Variants in ADRA1A observed in about 807,000 individuals in gnomAD.
ADRA1A encodes adrenoceptor alpha 1A.
ADRA1A carries 31 observed loss-of-function variants against 29.6 expected under a neutral mutation model. The observed-to-expected ratio is 1.05, with a 90% CI of 0.79 to 1.41. ADRA1A has a LOEUF of 1.41. Ranked by LOEUF, ADRA1A falls within the 40% of genes most tolerant of loss-of-function variation. The pLI is 0.00. For missense variants in ADRA1A, 619 were observed against 601.1 expected, an observed-to-expected ratio of 1.03 and a Z score of -0.31; for synonymous variants, 311 against 254.3, an observed-to-expected ratio of 1.22 and a Z score of -2.12.
At chr8:26,837,422 G>C (rs1470834000) in intron 2 of ADRA1A, among the ~76,000 whole-genome samples, 1 of 152,080 alleles carries the variant, frequency 6.6e-6, no homozygotes, top group African/African-American at 2.4e-5. Flanking sequence ...AGGCTGAGGA[G>C]GGCAGATCAC....
At chr8:26,850,380 A>T (rs1812540887) in intron 2 of ADRA1A, among the ~76,000 whole-genome samples, 1 of 152,254 alleles carries the variant, frequency 6.6e-6, no homozygotes, top group Non-Finnish European at 1.5e-5. Context: ...AATGCAAAAC[A>T]AACAAACAAA....
At chr8:26,803,919 CTTTTTTTTTT>C (rs34314160) in intron 2 of ADRA1A, among the ~76,000 whole-genome samples, 1 of 95,228 alleles carries the variant, frequency 1.1e-5, no homozygotes, top group Middle Eastern at 8.5e-3. Flanking sequence ...TGGAAGTTTC[CTTTTTTTTTT>C]TTTTTTTTTT....
rs988059830 is a variant in ADRA1A at position 26,787,662 on chromosome 8, G to C, written c.884-16996C>G. Among the ~76,000 whole-genome samples, 7 of 151,988 alleles carry C rather than the reference G, an allele frequency of 4.6e-5. No individual in the cohort carries two copies. Among genetic ancestry groups the C allele is most frequent in the Non-Finnish European group, 1.0e-4 (7 of 68,006 alleles). On this transcript the variant is annotated intron_variant, in intron 2 of 2. Coordinates refer to ENST00000380573, the MANE Select transcript of ADRA1A (RefSeq NM_000680.4). The surrounding 1 kb of genome is among the most constrained non-coding windows in gnomAD (Gnocchi z 4.2). ...CATAAAAATATCAATGCCTGACACA[G>C]ACTTCTTAGTTCTTAGTACTTGTTC...
chr8:26,847,837 C>G (rs1034705649), intron 2 of ADRA1A, among the ~76,000 whole-genome samples: 3 of 152,230 alleles, frequency 2.0e-5, no homozygotes, highest in Non-Finnish European at 4.4e-5. Context: ...TGCTCCAGAT[C>G]CCCCTCAGCA....
intron 2 of ADRA1A, among the ~76,000 whole-genome samples, chr8:26,760,691 C>T (rs1220412768): frequency 6.6e-6 from 1 of 152,142 alleles, no homozygotes; most frequent in Non-Finnish European, 1.5e-5. Context: ...TCTTGTTCTG[C>T]CTCACCCTCC....
At chr8:26,766,642 C>T (rs537953613), downstream of ADRA1A, among the ~76,000 whole-genome samples, 3 of 152,260 alleles carry the variant, frequency 2.0e-5, 1 homozygote, top group South Asian at 6.2e-4. Flanking sequence ...AAAACGTTTA[C>T]CCCCATTCTC....
chr8:26,829,178 T>G (rs1810798888), intron 2 of ADRA1A, among the ~76,000 whole-genome samples: 1 of 152,008 alleles, frequency 6.6e-6, no homozygotes, highest in African/African-American at 2.4e-5. Context: ...CTCACAATGC[T>G]CGGGAGACTC....
chr8:26,850,744 G>A (rs189986278), intron 2 of ADRA1A, among the ~76,000 whole-genome samples: 21 of 152,256 alleles, frequency 1.4e-4, no homozygotes, highest in Admixed American at 1.0e-3. Context: ...CGCCCACCTC[G>A]GCCTCCCAAA....
rs940031467 is a variant in ADRA1A, at chr8:26,865,891, C to G, written c.-686-236G>C. On this transcript the variant is annotated intron_variant, in intron 1 of 2. Transcript: ENST00000380573. This position sits in a 1 kb window ranked among gnomAD's most constrained non-coding sequence, Gnocchi z 7.6. ...CTCTGCCCGAGTTCAGGATCCGAAG[C>G]GAAAAACAAACAAAAAAACAAATCC... Among the ~76,000 whole-genome samples the G allele has an allele frequency of 7.9e-6, 1 of 126,092 alleles. No homozygotes were observed. Among genetic ancestry groups the G allele is most frequent in the East Asian group, 2.1e-4 (1 of 4,724 alleles). 82.7% of individuals were successfully genotyped at this position (126,092 alleles called of 152,430 possible). A position where few individuals can be genotyped will look rare whatever the true frequency, so the allele number is the denominator to read the frequency against.
Position 26,796,656 on chromosome 8 carries a change from G to T in ADRA1A, c.884-25990C>A, listed in dbSNP as rs555778987. Among the ~76,000 whole-genome samples the T allele has an allele frequency of 6.6e-6, 1 of 152,232 alleles. No homozygotes were observed. The highest frequency in any genetic ancestry group is 2.4e-5 in the African/African-American group (1 of 41,562). ...GACATATGAGACAGTGGAGTGGAGG[G>T]TATTTTAAATGAAGGGGAATGATGC... On this transcript the variant is annotated intron_variant, in intron 2 of 2. Coordinates refer to ENST00000380573, the MANE Select transcript of ADRA1A (RefSeq NM_000680.4). The surrounding 1 kb of genome is among the most constrained non-coding windows in gnomAD (Gnocchi z 5.0).
chr8:26,838,622 T>G (rs1253339189), intron 2 of ADRA1A, among the ~76,000 whole-genome samples: 1 of 152,130 alleles, frequency 6.6e-6, no homozygotes, highest in East Asian at 1.9e-4. Context: ...ATTCAGCTGG[T>G]GAAGAACTGA....
rs938599726 is a variant in ADRA1A, at chr8:26,825,228, T to A, written c.883+38859A>T. Among the ~76,000 whole-genome samples, 16 of 152,178 alleles carry A rather than the reference T, an allele frequency of 1.1e-4. No individual in the cohort carries two copies. The highest frequency in any genetic ancestry group is 3.9e-4 in the African/African-American group (16 of 41,424). On this transcript the variant is annotated intron_variant, in intron 2 of 2. Coordinates refer to ENST00000380573, the MANE Select transcript of ADRA1A (RefSeq NM_000680.4). The surrounding 1 kb of genome is among the most constrained non-coding windows in gnomAD (Gnocchi z 5.7). Reference sequence around the variant, plus strand: ...TTGGGAGAGAGGAGACAGTTCCTTCTTTAGGGAATGGGGGTCATAGAGATA... The same window carrying A: ...TTGGGAGAGAGGAGACAGTTCCTTCATTAGGGAATGGGGGTCATAGAGATA...
intron 2 of ADRA1A, among the ~76,000 whole-genome samples, chr8:26,749,872 GC>G (rs1293944025): frequency 1.3e-5 from 2 of 152,060 alleles, no homozygotes; most frequent in Admixed American, 6.6e-5. Flanking sequence ...TACGATCAGG[GC>G]CCCCCTTCCA....
Position 26,864,996 on chromosome 8 carries a change from C to T in ADRA1A, c.-27G>A, listed in dbSNP as rs199709396. On this transcript the variant is annotated 5_prime_UTR_variant, in exon 2 of 3. Transcript: ENST00000380573. This position sits in a 1 kb window ranked among gnomAD's most constrained non-coding sequence, Gnocchi z 8.1. ...GTCCCAGCCGGGGCCGGGCGAGGTC[C>T]GGCTGTCCAGGGCCACCTCCCGGGC... 2.6e-4 allele frequency: 402 copies of T among 1,568,444 alleles called. 2 individuals are homozygous for T. In the African/African-American group the frequency reaches 4.4e-3, roughly 17 times the overall value.
At chr8:26,750,272 G>A (rs554531609) in intron 2 of ADRA1A, among the ~76,000 whole-genome samples, 48 of 152,140 alleles carry the variant, frequency 3.2e-4, no homozygotes, top group Admixed American at 4.6e-4. Context: ...CATGATTTCC[G>A]CTCACTGCAG....
Position 26,823,989 on chromosome 8 carries a change from A to G in ADRA1A, c.883+40098T>C, listed in dbSNP as rs919284808. Among the ~76,000 whole-genome samples the G allele has an allele frequency of 1.3e-5, 2 of 152,112 alleles. No homozygotes were observed. Among genetic ancestry groups the G allele is most frequent in the Non-Finnish European group, 2.9e-5 (2 of 68,028 alleles). On this transcript the variant is annotated intron_variant, in intron 2 of 2. Coordinates refer to ENST00000380573, the MANE Select transcript of ADRA1A (RefSeq NM_000680.4). This position sits in a 1 kb window ranked among gnomAD's most constrained non-coding sequence, Gnocchi z 4.2. ...CCTGGGCTGGAAAATGGAGTGCCCA[A>G]TGAATAGAGCTGCTTCTTTCTCCTC...
At chr8:26,855,926 A>C (rs1002004076) in intron 2 of ADRA1A, among the ~76,000 whole-genome samples, 30 of 152,240 alleles carry the variant, frequency 2.0e-4, no homozygotes, top group African/African-American at 7.2e-4. Context: ...ATGAGGTGAC[A>C]GAACACAGCA....
chr8:26,842,507 C>T (rs572470101), intron 2 of ADRA1A, among the ~76,000 whole-genome samples: 1 of 152,098 alleles, frequency 6.6e-6, no homozygotes. Context: ...ATTGACCTGC[C>T]TTGAAATATC....
At chr8:26,766,114 G>A (rs1805764696), downstream of ADRA1A, 1 of 1,613,162 alleles carries the variant, frequency 6.2e-7, no homozygotes, top group Non-Finnish European at 8.5e-7. Context: ...TATGCTCTCT[G>A]CAATTCTTGG....
Sources: allele counts gnomAD v4.1 joint callset (sites outside exome capture counted in the v4.1 genomes callset), GRCh38; gene constraint gnomAD v4.1.1; non-coding constraint Gnocchi (gnomAD v3.1); transcripts MANE v1.5; gene names NCBI Gene and HGNC (gene_info 2026-07-23, HGNC 2026-07-21).